The following CPQ variants were observed in gnomAD, a reference collection of about 807,000 sequenced individuals.
CPQ encodes Ser-Met dipeptidase.
Under a neutral mutation model 45.7 loss-of-function variants are expected in CPQ, and 37 were observed. The observed-to-expected ratio is 0.81, with a 90% CI of 0.62 to 1.07. CPQ has a LOEUF of 1.07. Ranked by LOEUF, CPQ falls within the 50% of genes least tolerant of loss-of-function variation. The pLI is 0.00. For missense variants in CPQ, 537 were observed against 572.9 expected, an observed-to-expected ratio of 0.94 and a Z score of 0.64; for synonymous variants, 186 against 205.8, an observed-to-expected ratio of 0.90 and a Z score of 0.82.
intron 7 of CPQ, among the ~76,000 whole-genome samples, chr8:97,110,959 A>T (rs1390218249): frequency 6.6e-6 from 1 of 152,190 alleles, no homozygotes; most frequent in East Asian, 1.9e-4. Context: ...GTCTTCAGGA[A>T]AGGCTTTTTA....
intron 1 of CPQ, among the ~76,000 whole-genome samples, chr8:96,747,874 C>A (rs1398614303): frequency 6.6e-6 from 1 of 152,174 alleles, no homozygotes. Context: ...ACCAAATATG[C>A]ACACTAAAGT....
At chr8:97,094,493 C>T (rs528343161) in intron 7 of CPQ, among the ~76,000 whole-genome samples, 1 of 152,220 alleles carries the variant, frequency 6.6e-6, no homozygotes, top group South Asian at 2.1e-4. Flanking sequence ...TCACACACAC[C>T]TGTCACCACT....
chr8:97,053,289 T>C (rs1418736496), intron 6 of CPQ, among the ~76,000 whole-genome samples: 1 of 152,208 alleles, frequency 6.6e-6, no homozygotes, highest in Non-Finnish European at 1.5e-5. Context: ...AGACTGATAA[T>C]AAATTGGATA....
rs574701840 is a variant in CPQ, at chr8:96,814,033, C to T, written c.434-20940C>T. 2.0e-3 allele frequency among the ~76,000 whole-genome samples: 308 copies of T among 150,954 alleles called. 1 individual carries two copies. The highest frequency in any genetic ancestry group is 3.3e-3 in the Non-Finnish European group (226 of 67,716). On this transcript the variant is annotated intron_variant, in intron 2 of 7. Transcript: ENST00000220763. ...ATATACACACATACATATATATGCACATATATATATATAGTTTCTTTAGGT... is the reference window on the plus strand; with the variant it reads ...ATATACACACATACATATATATGCATATATATATATATAGTTTCTTTAGGT...
At chr8:96,921,914 T>TG (rs1172796973) in intron 4 of CPQ, among the ~76,000 whole-genome samples, 1 of 152,018 alleles carries the variant, frequency 6.6e-6, no homozygotes, top group Non-Finnish European at 1.5e-5. Context: ...ATAGATGAGG[T>TG]GGGGGGACAT....
At chr8:96,822,741 G>A (rs541865846) in intron 2 of CPQ, among the ~76,000 whole-genome samples, 1 of 152,038 alleles carries the variant, frequency 6.6e-6, no homozygotes, top group African/African-American at 2.4e-5. Context: ...CTGCCTAGAG[G>A]CTTTTGTAGG....
intron 2 of CPQ, among the ~76,000 whole-genome samples, chr8:96,790,003 C>T (rs1350300783): frequency 1.3e-5 from 2 of 152,174 alleles, no homozygotes; most frequent in African/African-American, 4.8e-5. Context: ...TTCCTTGGTT[C>T]TTTCTGTTAA....
intron 7 of CPQ, among the ~76,000 whole-genome samples, chr8:97,074,176 A>AAGTT (rs1810803244): frequency 1.3e-5 from 2 of 152,190 alleles, no homozygotes; most frequent in African/African-American, 4.8e-5. Flanking sequence ...TTTAACTTTA[A>AAGTT]AGTTAATATA....
intron 5 of CPQ, among the ~76,000 whole-genome samples, chr8:96,974,302 T>C (rs1813737765): frequency 6.6e-6 from 1 of 152,208 alleles, no homozygotes; most frequent in South Asian, 2.1e-4. Context: ...ATAAAAGGAC[T>C]AGTCCAACAG....
At chr8:97,005,392 A>C (rs1419081443) in intron 5 of CPQ, among the ~76,000 whole-genome samples, 1 of 151,580 alleles carries the variant, frequency 6.6e-6, no homozygotes, top group Non-Finnish European at 1.5e-5. Context: ...TGATCATTTT[A>C]TATGGACTGA....
At chr8:96,839,272 G>T (rs1352608392) in intron 3 of CPQ, among the ~76,000 whole-genome samples, 1 of 151,964 alleles carries the variant, frequency 6.6e-6, no homozygotes, top group Non-Finnish European at 1.5e-5. Context: ...CTGAAAAAAT[G>T]TCCATTGCTT....
chr8:96,662,599 G>A (rs1188815509), intron 1 of CPQ, among the ~76,000 whole-genome samples: 2 of 152,180 alleles, frequency 1.3e-5, no homozygotes, highest in African/African-American at 4.8e-5. Flanking sequence ...ATGAATAACA[G>A]AAACAATTCT....
At chr8:96,914,443 A>G (rs1423451533) in intron 4 of CPQ, among the ~76,000 whole-genome samples, 2 of 152,178 alleles carry the variant, frequency 1.3e-5, no homozygotes, top group Non-Finnish European at 2.9e-5. Flanking sequence ...ATTAATAGAT[A>G]TAATAAACAC....
chr8:96,917,760 A>G (rs931071732), intron 4 of CPQ, among the ~76,000 whole-genome samples: 5 of 152,148 alleles, frequency 3.3e-5, no homozygotes, highest in African/African-American at 1.2e-4. Flanking sequence ...GATAAACATG[A>G]ACACATACTG....
intron 6 of CPQ, among the ~76,000 whole-genome samples, chr8:97,048,283 A>G (rs1372143335): frequency 6.6e-6 from 1 of 152,242 alleles, no homozygotes; most frequent in East Asian, 1.9e-4. Flanking sequence ...GAGCAATTAT[A>G]AAGGAAAGTA....
intron 7 of CPQ, among the ~76,000 whole-genome samples, chr8:97,087,202 G>A (rs1396412200): frequency 1.3e-5 from 2 of 152,126 alleles, no homozygotes; most frequent in African/African-American, 4.8e-5. Flanking sequence ...ATATTCAACA[G>A]GAGCATTCTG....
chr8:96,964,002 T>C (rs958317160), intron 4 of CPQ, among the ~76,000 whole-genome samples: 3 of 152,160 alleles, frequency 2.0e-5, no homozygotes, highest in Non-Finnish European at 4.4e-5. Context: ...TCATTTTCCA[T>C]TTCTATATTA....
In CPQ at chr8:96,863,111, A is replaced by C. The variant is rs1040098619; in HGVS notation, c.642-16687A>C. Among the ~76,000 whole-genome samples the C allele has an allele frequency of 6.6e-5, 10 of 152,246 alleles. No individual in the cohort carries two copies. In the East Asian group the frequency reaches 1.9e-3, roughly 29 times the overall value. On this transcript the variant is annotated intron_variant, in intron 3 of 7. Transcript: ENST00000220763. ...TCTGTTACATGCAGTTGATCTTACA[A>C]TCTGATTCTAACCAATTCAGATATG... is the stretch of plus-strand genomic sequence containing the variant.
At chr8:96,688,713 C>G (rs1213791319) in intron 1 of CPQ, among the ~76,000 whole-genome samples, 1 of 152,082 alleles carries the variant, frequency 6.6e-6, no homozygotes, top group Non-Finnish European at 1.5e-5. Flanking sequence ...TTTCAATGTA[C>G]TGTAATTCTG....
Sources: gnomAD v4.1 joint callset for allele counts (sites outside exome capture counted in the v4.1 genomes callset) on GRCh38, gnomAD v4.1.1 for gene constraint, MANE v1.5 for transcripts, NCBI Gene and HGNC (gene_info 2026-07-23, HGNC 2026-07-21) for gene names.